The following PHYHD1 variants were observed in gnomAD, a reference collection of about 807,000 sequenced individuals.
PHYHD1 encodes phytanoyl-CoA dioxygenase domain-containing protein 1.
A neutral mutation model predicts 43.6 loss-of-function variants in PHYHD1; 42 were observed. The observed-to-expected ratio is 0.96, with a 90% CI of 0.75 to 1.25. The LOEUF (loss-of-function observed/expected upper bound fraction) is 1.25. Among genes scored for constraint, PHYHD1 ranks in the 50% most tolerant of loss-of-function variants. The probability of loss-of-function intolerance (pLI) is 0.00; values close to 1 mark genes in which losing one functional copy is unlikely to be tolerated. For synonymous variants in PHYHD1, 139 were observed against 143.6 expected, an observed-to-expected ratio of 0.97 and a Z score of 0.23; for missense variants, 342 against 370.8, an observed-to-expected ratio of 0.92 and a Z score of 0.64.
chr9:128,935,679 G>A (rs1273639532), intron 6 of PHYHD1, among the ~76,000 whole-genome samples: 2 of 152,138 alleles, frequency 1.3e-5, no homozygotes, highest in African/African-American at 4.8e-5. Flanking sequence ...CGAGGCGGGT[G>A]GATCACGAGG....
chr9:128,941,698 C>G lies in PHYHD1; in HGVS notation c.861C>G (p.Pro287=), dbSNP rs1841567972. 1.2e-6 allele frequency: 2 copies of G among 1,614,098 alleles called. No individual in the cohort carries two copies. Among genetic ancestry groups the G allele is most frequent in the African/African-American group, 2.7e-5 (2 of 74,932 alleles). Residue 287 remains proline (P), a synonymous_variant, in exon 13 of 13, where the codon CCC becomes CCG. Transcript: ENST00000372592. ...AGCCAACAGCTGAACTGCCCTTTCCCCAACTGTACACCTAAAGGCTCTCGC... is the reference window on the plus strand; with the variant it reads ...AGCCAACAGCTGAACTGCCCTTTCCGCAACTGTACACCTAAAGGCTCTCGC... ...WLQPTAELPF[P]QLYT
Position 128,941,691 on chromosome 9 carries a change from C to T in PHYHD1, c.854C>T (p.Pro285Leu), listed in dbSNP as rs1166436864. 6.2e-7 allele frequency: 1 copy of T among 1,614,068 alleles called. No individual in the cohort carries two copies. Among genetic ancestry groups the T allele is most frequent in the Non-Finnish European group, 8.5e-7 (1 of 1,180,032 alleles). The change falls in exon 13 of 13, where the codon CCC becomes CTC. Residue 285 changes from proline (P) to leucine (L), a missense_variant. Pro to Leu is a moderately conservative substitution (Grantham distance 98). Coordinates refer to ENST00000372592, the MANE Select transcript of PHYHD1 (RefSeq NM_001100876.2). ...AGGCTCCAGCCAACAGCTGAACTGC[C>T]CTTTCCCCAACTGTACACCTAAAGG... ...ENWLQPTAEL[P>L]FPQLYT
At chr9:128,938,036 G>A in intron 9 of PHYHD1, 1 of 1,239,754 alleles carries the variant, frequency 8.1e-7, no homozygotes, top group East Asian at 2.9e-5. Flanking sequence ...GACAGGCGTG[G>A]TGGCTCATGC....
chr9:128,937,098 G>C (rs754856576), intron 8 of PHYHD1, among the ~76,000 whole-genome samples: 13 of 152,030 alleles, frequency 8.6e-5, no homozygotes, highest in East Asian at 5.8e-4. Flanking sequence ...CTGGGGGATA[G>C]AGCAAGGCTC....
chr9:128,925,120 G>A (rs997541057), intron 3 of PHYHD1, among the ~76,000 whole-genome samples: 4 of 152,142 alleles, frequency 2.6e-5, no homozygotes, highest in African/African-American at 9.7e-5. Flanking sequence ...CATGAGTGGT[G>A]TGTGGAAGCC....
intron 4 of PHYHD1, among the ~76,000 whole-genome samples, chr9:128,932,029 C>G (rs1325970271): frequency 1.3e-5 from 2 of 149,702 alleles, no homozygotes; most frequent in African/African-American, 4.9e-5. Context: ...GAGATGGGGT[C>G]TCATCATATT....
At chr9:128,941,420 C>T in intron 11 of PHYHD1, 25 bp from the exon 12 acceptor site, 1 of 1,610,876 alleles carries the variant, frequency 6.2e-7, no homozygotes, top group Non-Finnish European at 8.5e-7. Flanking sequence ...CTGGTAGGTT[C>T]CTGACCTGCT....
chr9:128,934,191 C>T, intron 6 of PHYHD1, 133 bp downstream of exon 6: 1 of 925,110 alleles, frequency 1.1e-6, no homozygotes, highest in Non-Finnish European at 1.6e-6. Context: ...AGTTCAAGAC[C>T]AGTCTGGCCA....
intron 8 of PHYHD1, among the ~76,000 whole-genome samples, chr9:128,937,260 AG>A (rs1407334727): frequency 4.6e-5 from 7 of 150,904 alleles, no homozygotes; most frequent in Non-Finnish European, 8.9e-5. Context: ...ACAAAAAGGA[AG>A]AAAAAAAAAA....
chr9:128,937,903 G>A (rs1841465356), intron 9 of PHYHD1, 125 bp downstream of exon 9: 2 of 1,555,514 alleles, frequency 1.3e-6, no homozygotes, highest in Admixed American at 3.9e-5. Context: ...CTGGCCCGGA[G>A]AGGAGGAGCC....
intron 6 of PHYHD1, 99 bp from the exon 7 acceptor site, chr9:128,936,349 T>G: frequency 4.7e-6 from 7 of 1,480,200 alleles, no homozygotes; most frequent in Non-Finnish European, 5.5e-6. Context: ...ACAAAGTAAG[T>G]GAGAATGTCA....
At position 128,936,637 on chromosome 9, in the gene PHYHD1, ATCTT is replaced by A; in HGVS notation, c.429_432del (p.Phe144SerfsTer161). 1 of 1,553,676 alleles carries A rather than the reference ATCTT, an allele frequency of 6.4e-7. No homozygotes were observed. ...GCCCGTGGTGGTGCAGAGCATGTAC[ATCTT>A]TAAGGTGAGCTCCTTGTCCTTGCCT... is the stretch of plus-strand genomic sequence containing the variant. On this transcript the variant is annotated frameshift_variant, in exon 8 of 13. Transcript: ENST00000372592. LOFTEE classifies it high-confidence loss of function.
chr9:128,932,168 TGTTATTATTATTATTA>T (rs1841301978), intron 4 of PHYHD1, among the ~76,000 whole-genome samples: 1 of 122,878 alleles, frequency 8.1e-6, no homozygotes, highest in African/African-American at 3.5e-5. Context: ...TTATTATTAT[TGTTATTATTATTATTA>T]TTTTTTTTTT....
Position 128,941,827 on chromosome 9 carries a change from G to A in PHYHD1, c.*114G>A, listed in dbSNP as rs1841571900. The stretch of plus-strand genomic sequence containing the variant: ...CAGGGAGGTCTTGTCTCCCCTCCTG[G>A]GCTTTCCTCCTGCCCTGTGGGCAGC... On this transcript the variant is annotated 3_prime_UTR_variant, in exon 13 of 13. Transcript: ENST00000372592. 1 of 1,453,220 alleles carries A rather than the reference G, an allele frequency of 6.9e-7. No individual in the cohort carries two copies. The highest frequency in any genetic ancestry group is 1.4e-5 in the African/African-American group (1 of 71,356). The allele number at this position is 1,453,220 out of a possible 1,614,324, so 90.0% of individuals were successfully genotyped here.
At chr9:128,924,471 G>T (rs1370440399) in intron 3 of PHYHD1, among the ~76,000 whole-genome samples, 1 of 152,054 alleles carries the variant, frequency 6.6e-6, no homozygotes, top group African/African-American at 2.4e-5. Flanking sequence ...AATTAGCCAG[G>T]CGTGGTGGTG....
Position 128,941,883 on chromosome 9 carries a change from A to T in PHYHD1, c.*170A>T. On this transcript the variant is annotated 3_prime_UTR_variant, in exon 13 of 13. Transcript: ENST00000372592. ...AGGCTGGGTCAGGGGCTTCCCTAAG[A>T]TCTTCACCTCTCTGCCTCCCTACTG... The T allele has an allele frequency of 1.2e-6, 1 of 808,732 alleles. No individual in the cohort carries two copies. The highest frequency in any genetic ancestry group is 1.9e-6 in the Non-Finnish European group (1 of 516,454). The allele number at this position is 808,732 out of a possible 1,614,324, so 50.1% of individuals were successfully genotyped here.
At chr9:128,930,363 C>G (rs1207689563) in intron 4 of PHYHD1, among the ~76,000 whole-genome samples, 1 of 151,210 alleles carries the variant, frequency 6.6e-6, no homozygotes, top group Non-Finnish European at 1.5e-5. Flanking sequence ...ATCACCTGAG[C>G]TCAGGAAGTC....
intron 8 of PHYHD1, among the ~76,000 whole-genome samples, chr9:128,936,908 A>G (rs922070511): frequency 1.3e-5 from 2 of 152,084 alleles, no homozygotes; most frequent in African/African-American, 4.8e-5. Flanking sequence ...TGAAGTCAGG[A>G]GTTCGAGATC....
intron 3 of PHYHD1, among the ~76,000 whole-genome samples, chr9:128,923,870 C>A (rs1841065588): frequency 6.6e-6 from 1 of 152,186 alleles, no homozygotes; most frequent in Non-Finnish European, 1.5e-5. Flanking sequence ...GTAATCCCAG[C>A]ACTTTGGGAG....
Sources: gnomAD v4.1 joint callset for allele counts (sites outside exome capture counted in the v4.1 genomes callset) on GRCh38, gnomAD v4.1.1 for gene constraint, MANE v1.5 for transcripts, NCBI Gene and HGNC (gene_info 2026-07-23, HGNC 2026-07-21) for gene names.